The following TSHR variants were observed in gnomAD, a reference collection of about 807,000 sequenced individuals.
TSHR encodes thyroid stimulating hormone receptor, also known as thyrotropin receptor.
A neutral mutation model predicts 64.1 loss-of-function variants in TSHR; 51 were observed. The ratio of observed to expected loss-of-function variants is 0.80; its 90% CI spans 0.64 to 1.01. TSHR has a LOEUF of 1.01. TSHR is among the 50% of genes least tolerant of loss of function. The probability of loss-of-function intolerance (pLI) is 0.00; values close to 1 mark genes in which losing one functional copy is unlikely to be tolerated. For missense variants in TSHR, 877 were observed against 942.8 expected (o/e 0.93, Z 0.91); for synonymous variants, 361 against 361.9 (o/e 1.00, Z 0.03).
At chr14:81,123,876 T>A (rs971142265) in intron 8 of TSHR, among the ~76,000 whole-genome samples, 4 of 152,202 alleles carry the variant, frequency 2.6e-5, no homozygotes, top group African/African-American at 9.7e-5. Flanking sequence ...CATTTTCCAT[T>A]TTTATACTTT....
intron 1 of TSHR, among the ~76,000 whole-genome samples, chr14:80,984,066 AGT>A (rs144663890): frequency 7.9e-5 from 12 of 151,236 alleles, no homozygotes; most frequent in East Asian, 3.9e-4. Flanking sequence ...AGAGAGAGTG[AGT>A]GTGTGTGTGT....
chr14:81,122,274 C>T (rs1181349773), intron 8 of TSHR, among the ~76,000 whole-genome samples: 1 of 151,404 alleles, frequency 6.6e-6, no homozygotes, highest in Non-Finnish European at 1.5e-5. Context: ...AACTCTTGAC[C>T]TCAGGCGATC....
chr14:80,994,338 A>T (rs1439260557), intron 1 of TSHR: 1 of 152,050 alleles, frequency 6.6e-6, no homozygotes, highest in Non-Finnish European at 1.5e-5. Flanking sequence ...CCATTAAACT[A>T]CCTTTGACAT....
chr14:81,107,137 G>T (rs1478838592), intron 7 of TSHR: 4 of 152,150 alleles, frequency 2.6e-5, no homozygotes, highest in African/African-American at 9.7e-5. Flanking sequence ...GAAGACTCAT[G>T]CCTGGGTCCA....
intron 1 of TSHR, among the ~76,000 whole-genome samples, chr14:81,043,766 C>G (rs1213386074): frequency 6.6e-6 from 1 of 152,064 alleles, no homozygotes; most frequent in Non-Finnish European, 1.5e-5. Flanking sequence ...AAAAAAAGAA[C>G]TCGGAAACAA....
chr14:80,966,503 C>T (rs183384279), intron 1 of TSHR, among the ~76,000 whole-genome samples: 9 of 151,738 alleles, frequency 5.9e-5, no homozygotes, highest in Non-Finnish European at 1.3e-4. Context: ...GATCACCTAT[C>T]ATACACTAGT....
intron 1 of TSHR, among the ~76,000 whole-genome samples, chr14:81,046,252 T>G (rs919363600): frequency 3.9e-5 from 6 of 151,934 alleles, no homozygotes; most frequent in African/African-American, 1.5e-4. Context: ...ATGATGGAAT[T>G]AACAAGAAAT....
chr14:80,987,347 T>C (rs1022145684), intron 1 of TSHR, among the ~76,000 whole-genome samples: 5 of 152,232 alleles, frequency 3.3e-5, no homozygotes, highest in African/African-American at 9.6e-5. Flanking sequence ...TCTGCACTTA[T>C]GACTCATGGC....
At position 81,091,052 on chromosome 14, in the gene TSHR, T is replaced by A. The variant is rs1221263970; in HGVS notation, c.393-17T>A. ...CTAAATTCTATGCTTTTTTTTCTCT[T>A]TTTTTCATTAATTTAGTGGCATTTT... On this transcript the variant is annotated splice_polypyrimidine_tract_variant and intron_variant, in intron 4 of 9. Transcript: ENST00000298171. 1 of 1,605,802 alleles carries A rather than the reference T, an allele frequency of 6.2e-7. No individual in the cohort carries two copies. Among genetic ancestry groups the A allele is most frequent in the Non-Finnish European group, 8.5e-7 (1 of 1,176,408 alleles).
chr14:81,093,972 A>AC (rs1888963041), intron 6 of TSHR, among the ~76,000 whole-genome samples: 4 of 151,508 alleles, frequency 2.6e-5, no homozygotes, highest in Admixed American at 2.6e-4. Context: ...TATCTCAAGC[A>AC]CCCCCCTCAA....
At chr14:80,967,387 C>A (rs1322219389) in intron 1 of TSHR, among the ~76,000 whole-genome samples, 1 of 150,214 alleles carries the variant, frequency 6.7e-6, no homozygotes, top group Non-Finnish European at 1.5e-5. Context: ...CGGATTCAAG[C>A]AGTTCTCCTG....
chr14:80,993,660 G>A (rs940344231), intron 1 of TSHR: 4 of 152,242 alleles, frequency 2.6e-5, no homozygotes, highest in Non-Finnish European at 5.9e-5. Context: ...ATGTTAATGT[G>A]TTTTCTTTCT....
intron 8 of TSHR, among the ~76,000 whole-genome samples, chr14:81,114,537 G>A (rs1228089456): frequency 6.6e-6 from 1 of 152,088 alleles, no homozygotes; most frequent in African/African-American, 2.4e-5. Context: ...CTACGCCCAC[G>A]GAGTCTCCCT....
In TSHR at chr14:81,108,362, T is replaced by C; in HGVS notation, c.615-13T>C. ...AATTCATTCTCTCTCTCTCTTTCTC[T>C]CTCTCCCTCTAGTTACCTAAACAAG... On this transcript the variant is annotated splice_polypyrimidine_tract_variant and intron_variant, in intron 7 of 9. Coordinates refer to ENST00000298171, the MANE Select transcript of TSHR (RefSeq NM_000369.5). The C allele has an allele frequency of 1.3e-6, 2 of 1,599,968 alleles. No individual in the cohort carries two copies. The highest frequency in any genetic ancestry group is 2.2e-5 in the South Asian group (2 of 90,602).
At chr14:81,026,200 A>AT (rs759089165) in intron 1 of TSHR, among the ~76,000 whole-genome samples, 1 of 152,052 alleles carries the variant, frequency 6.6e-6, no homozygotes, top group Non-Finnish European at 1.5e-5. Flanking sequence ...GGAGGCAGAA[A>AT]TTTTTTTTCT....
At chr14:81,094,956 G>C (rs1263241743) in intron 6 of TSHR, among the ~76,000 whole-genome samples, 1 of 152,074 alleles carries the variant, frequency 6.6e-6, no homozygotes, top group Admixed American at 6.5e-5. Flanking sequence ...CTGAGGATAA[G>C]ACAGGTTGAG....
chr14:81,139,544 A>T, intron 8 of TSHR, 135 bp from the exon 9 acceptor site: 1 of 915,516 alleles, frequency 1.1e-6, no homozygotes, highest in Non-Finnish European at 1.7e-6. Flanking sequence ...CCAGAAGCTC[A>T]GCTTATGTAC....
At chr14:80,974,385 G>A (rs111370146) in intron 1 of TSHR, among the ~76,000 whole-genome samples, 27 of 152,210 alleles carry the variant, frequency 1.8e-4, no homozygotes, top group Admixed American at 5.2e-4. Flanking sequence ...TCTAACTAGG[G>A]GGTCTCTGTG....
At position 81,104,578 on chromosome 14, in the gene TSHR, C is replaced by T. The variant is rs193178411; in HGVS notation, c.615-3797C>T. The stretch of plus-strand genomic sequence containing the variant: ...CCAACAATCAGGCTTTCATTCCTTC[C>T]TCCAGCAAGTCTTTACTGAATGGCC... On this transcript the variant is annotated intron_variant, in intron 7 of 9. Coordinates refer to ENST00000298171, the MANE Select transcript of TSHR (RefSeq NM_000369.5). The T allele has an allele frequency of 5.8e-5, 57 of 985,410 alleles. No individual in the cohort carries two copies. The African/African-American group carries it at 8.9e-4, about 15-fold the overall frequency. The allele number at this position is 985,410 out of a possible 1,614,324, so 61.0% of individuals were successfully genotyped here. A position where few individuals can be genotyped will look rare whatever the true frequency, so the allele number is the denominator to read the frequency against.
Sources: allele counts gnomAD v4.1 joint callset (sites outside exome capture counted in the v4.1 genomes callset), GRCh38; gene constraint gnomAD v4.1.1; transcripts MANE v1.5; gene names NCBI Gene and HGNC (gene_info 2026-07-23, HGNC 2026-07-21).